Variants in UPB1 observed in about 807,000 individuals in gnomAD.
UPB1 encodes the protein beta-ureidopropionase 1, also known as beta-ureidopropionase.
In UPB1, 40 loss-of-function variants were observed where a neutral mutation model predicts 49.1. The ratio of observed to expected loss-of-function variants is 0.81; its 90% CI spans 0.63 to 1.06. UPB1 has a LOEUF of 1.06. Ranked by LOEUF, UPB1 falls within the 50% of genes least tolerant of loss-of-function variation. UPB1 has a pLI of 0.00. For missense variants in UPB1, 499 were observed against 505.9 expected, an observed-to-expected ratio of 0.99 and a Z score of 0.13; for synonymous variants, 207 against 198.2, an observed-to-expected ratio of 1.04 and a Z score of -0.38.
At chr22:24,501,097 A>G (rs1374315054) in intron 2 of UPB1, among the ~76,000 whole-genome samples, 13 of 152,196 alleles carry the variant, frequency 8.5e-5, no homozygotes, top group Middle Eastern at 6.8e-3. Context: ...TGTCCCCTCT[A>G]TCATCCCAGA....
In UPB1 at chr22:24,495,339, T is replaced by C. The variant is rs886057288; in HGVS notation, c.-65T>C. ...GGGCGCCTGACCGGGCCTGGGCACCTCCTCCCACTGCGGGCAAAGGGCAGG... is the reference window on the plus strand; with the variant it reads ...GGGCGCCTGACCGGGCCTGGGCACCCCCTCCCACTGCGGGCAAAGGGCAGG... On this transcript the variant is annotated 5_prime_UTR_variant, in exon 1 of 10. Transcript: ENST00000326010. 1.1e-4 allele frequency: 178 copies of C among 1,570,828 alleles called. No individual in the cohort carries two copies. The highest frequency in any genetic ancestry group is 1.2e-4 in the Non-Finnish European group (139 of 1,148,176).
intron 3 of UPB1, 112 bp downstream of exon 3, chr22:24,502,325 A>G (rs749730832): frequency 8.2e-7 from 1 of 1,222,018 alleles, no homozygotes; most frequent in Admixed American, 1.7e-5. Context: ...TTGTTTCCTC[A>G]TCCATGGAAA....
intron 7 of UPB1, among the ~76,000 whole-genome samples, chr22:24,520,770 A>C (rs1160710561): frequency 6.6e-6 from 1 of 151,202 alleles, no homozygotes; most frequent in East Asian, 1.9e-4. Context: ...GAATGCACTT[A>C]TTATATCTCT....
At chr22:24,497,632 G>A (rs2043916692) in intron 1 of UPB1, among the ~76,000 whole-genome samples, 1 of 152,164 alleles carries the variant, frequency 6.6e-6, no homozygotes, top group East Asian at 1.9e-4. Context: ...AGCAGGGTGA[G>A]GGGTAGAGGG....
chr22:24,520,577 T>C, intron 7 of UPB1, 109 bp downstream of exon 7: 1 of 1,254,932 alleles, frequency 8.0e-7, no homozygotes, highest in Non-Finnish European at 1.1e-6. Context: ...CGGAAAGGGG[T>C]AAAACTGGCT....
At chr22:24,510,233 C>CA (rs202134271) in intron 3 of UPB1, among the ~76,000 whole-genome samples, 9,063 of 104,612 alleles carry the variant, frequency 0.087, 353 homozygotes, top group Middle Eastern at 0.18. Context: ...AACTCCATCT[C>CA]AAAAAAAAAA....
At position 24,502,121 on chromosome 22, in the gene UPB1, C is replaced by T; in HGVS notation, c.277-5C>T. 1.9e-6 allele frequency: 3 copies of T among 1,614,120 alleles called. No homozygotes were observed. The highest frequency in any genetic ancestry group is 2.5e-6 in the Non-Finnish European group (3 of 1,179,966). On this transcript the variant is annotated splice_region_variant and splice_polypyrimidine_tract_variant and intron_variant, in intron 2 of 9. Coordinates refer to ENST00000326010, the MANE Select transcript of UPB1 (RefSeq NM_016327.3). ...AATGGATTCTAATCCTTTTTAAATT[C>T]TCAGGTCTCTGCCCTTCATAGACGC...
chr22:24,517,190 A>G (rs1443813417), intron 6 of UPB1, among the ~76,000 whole-genome samples: 3 of 152,086 alleles, frequency 2.0e-5, no homozygotes, highest in African/African-American at 7.2e-5. Context: ...CCTCAGGTCT[A>G]CCACCCTGCC....
Position 24,526,743 on chromosome 22 carries a change from T to C in UPB1, c.*949T>C, listed in dbSNP as rs900820233. 6.6e-6 allele frequency: 1 copy of C among 152,160 alleles called. No individual in the cohort carries two copies. Among genetic ancestry groups the C allele is most frequent in the Non-Finnish European group, 1.5e-5 (1 of 68,016 alleles). 9.4% of individuals were successfully genotyped at this position (152,160 alleles called of 1,614,324 possible). ...TTGAACTTAAAGGCATCAATGACTCTATTTCCATAGAGTCAGGGTAAAGAG... is the reference window on the plus strand; with the variant it reads ...TTGAACTTAAAGGCATCAATGACTCCATTTCCATAGAGTCAGGGTAAAGAG... On this transcript the variant is annotated 3_prime_UTR_variant, in exon 10 of 10. Coordinates refer to ENST00000326010, the MANE Select transcript of UPB1 (RefSeq NM_016327.3).
chr22:24,500,323 G>T, intron 2 of UPB1, 45 bp downstream of exon 2: 1 of 1,610,916 alleles, frequency 6.2e-7, no homozygotes, highest in East Asian at 2.2e-5. Context: ...CAGGGTTGTG[G>T]CCTGCCCTTG....
At chr22:24,495,926 A>G (rs1183346807) in intron 1 of UPB1, among the ~76,000 whole-genome samples, 1 of 151,920 alleles carries the variant, frequency 6.6e-6, no homozygotes, top group Non-Finnish European at 1.5e-5. Flanking sequence ...CCTCTGGCTG[A>G]CCCTTGGAAA....
chr22:24,519,854 ACAGGCCCTGCACAAGCCCAC>A (rs1355414278), intron 6 of UPB1: 4 of 223,362 alleles, frequency 1.8e-5, no homozygotes. Context: ...CTCAGCCCTC[ACAGGCCCTGCACAAGCCCAC>A]CAGGCCCCCG....
chr22:24,517,875 G>A (rs2044324154), intron 6 of UPB1, among the ~76,000 whole-genome samples: 1 of 152,106 alleles, frequency 6.6e-6, no homozygotes, highest in Admixed American at 6.6e-5. Context: ...ATCTAAAAGA[G>A]GAGGGAAGGC....
At chr22:24,510,876 G>C (rs778513125) in intron 4 of UPB1, 33 bp downstream of exon 4, 1 of 1,607,228 alleles carries the variant, frequency 6.2e-7, no homozygotes, top group East Asian at 2.2e-5. Context: ...GGCAGCAGCT[G>C]CCAAATATGT....
chr22:24,524,662 A>T (rs2044451846), intron 9 of UPB1, among the ~76,000 whole-genome samples: 1 of 151,964 alleles, frequency 6.6e-6, no homozygotes, highest in Non-Finnish European at 1.5e-5. Context: ...CTAATTTTTA[A>T]AATTTTTTAT....
At position 24,525,725 on chromosome 22, in the gene UPB1, T is replaced by G; in HGVS notation, c.1086T>G (p.Tyr362Ter). Residue 362 changes from tyrosine to a stop codon, truncating the protein, a stop_gained, in exon 10 of 10, where the codon TAT becomes TAG. Transcript: ENST00000326010. LOFTEE classifies it high-confidence loss of function. ...DVWNFKMTGRYEMYARELAEA... is the reference protein window; with the variant it reads ...DVWNFKMTGR ...TTTGCTTTCAGATGACGGGCAGGTA[T>G]GAGATGTACGCACGGGAGCTCGCCG... 14 of 1,613,244 alleles carry G rather than the reference T, an allele frequency of 8.7e-6. No individual in the cohort carries two copies. The highest frequency in any genetic ancestry group is 1.3e-5 in the African/African-American group (1 of 75,008).
At chr22:24,497,367 CAT>C (rs1358685383) in intron 1 of UPB1, among the ~76,000 whole-genome samples, 1 of 152,158 alleles carries the variant, frequency 6.6e-6, no homozygotes, top group Non-Finnish European at 1.5e-5. Flanking sequence ...GCCATGAGCA[CAT>C]GTCTCTTTTG....
chr22:24,503,885 C>T (rs2147007374), intron 3 of UPB1: 1 of 152,354 alleles, frequency 6.6e-6, no homozygotes, highest in African/African-American at 2.4e-5. Context: ...TGAATTTGCA[C>T]CTTCCATGAG....
At chr22:24,498,337 A>G (rs1185327945) in intron 1 of UPB1, among the ~76,000 whole-genome samples, 1 of 152,206 alleles carries the variant, frequency 6.6e-6, no homozygotes, top group Non-Finnish European at 1.5e-5. Flanking sequence ...CGGTGGGCAC[A>G]GCACATGGTC....
Sources: allele counts gnomAD v4.1 joint callset (sites outside exome capture counted in the v4.1 genomes callset), GRCh38; gene constraint gnomAD v4.1.1; transcripts MANE v1.5; gene names NCBI Gene and HGNC (gene_info 2026-07-23, HGNC 2026-07-21).